NUP188: variants seen among roughly 807,000 people sequenced by gnomAD.
NUP188 encodes the protein nucleoporin NUP188.
NUP188 carries 97 observed loss-of-function variants against 223.0 expected under a neutral mutation model. The observed-to-expected ratio is 0.43, with a 90% confidence interval of 0.37 to 0.51. The LOEUF (loss-of-function observed/expected upper bound fraction) is 0.51. NUP188 is among the 20% of genes least tolerant of loss of function. NUP188 has a pLI of 0.00. For missense variants in NUP188, 1,947 were observed against 2,175.6 expected (o/e 0.89, Z 2.09); for synonymous variants, 869 against 828.0 (o/e 1.05, Z -0.85).
intron 12 of NUP188, among the ~76,000 whole-genome samples, chr9:128,976,906 G>A (rs987703144): frequency 1.3e-5 from 2 of 151,878 alleles, no homozygotes; most frequent in Admixed American, 1.3e-4. Flanking sequence ...ATGAAGCCCT[G>A]TCTCTACCAA....
At chr9:128,981,144 A>G in intron 14 of NUP188, 120 bp from the exon 15 acceptor site, 2 of 1,243,294 alleles carry the variant, frequency 1.6e-6, no homozygotes, top group Non-Finnish European at 2.3e-6. Context: ...GGCAGTTCCA[A>G]GAACAGTCAC....
chr9:128,970,548 T>C (rs567634793), intron 10 of NUP188, among the ~76,000 whole-genome samples: 1 of 152,132 alleles, frequency 6.6e-6, no homozygotes, highest in Non-Finnish European at 1.5e-5. Context: ...CTACATAAAA[T>C]TAGTAGACAA....
chr9:128,982,789 T>G, intron 16 of NUP188, 88 bp downstream of exon 16: 1 of 1,587,340 alleles, frequency 6.3e-7, no homozygotes, highest in East Asian at 2.2e-5. Context: ...TACATAAAAT[T>G]TAGAACCATC....
At chr9:128,995,113 T>C (rs1842499587) in intron 29 of NUP188, 190 bp downstream of exon 29, 3 of 636,814 alleles carry the variant, frequency 4.7e-6, no homozygotes, top group East Asian at 5.4e-5. Flanking sequence ...GAAAGAGTTA[T>C]TGTGAAGCAA....
At chr9:128,963,400 C>G (rs546544579) in intron 8 of NUP188, among the ~76,000 whole-genome samples, 2 of 151,932 alleles carry the variant, frequency 1.3e-5, no homozygotes, top group Admixed American at 6.6e-5. Context: ...ATTGTCCTGC[C>G]TCAGCCTCCT....
In NUP188 at chr9:128,947,730, C is replaced by G. The variant is rs770448715; in HGVS notation, c.11C>G (p.Ala4Gly). The change falls in exon 1 of 44, where the codon GCC becomes GGC. Residue 4 changes from alanine (A) to glycine (G), a missense_variant. Ala to Gly is a moderately conservative substitution (Grantham distance 60). Coordinates refer to ENST00000372577, the MANE Select transcript of NUP188 (RefSeq NM_015354.3). ...AGCGGGCGCGCGAAGATGGCGGCGG[C>G]CGCCGGCGGGCCGTGTGTGAGGTGC... is the stretch of plus-strand genomic sequence containing the variant. MAAAAGGPCVRSSR... is the reference protein window; with the variant it reads MAAGAGGPCVRSSR... 1.4e-5 allele frequency: 20 copies of G among 1,472,588 alleles called. No individual in the cohort carries two copies. Among genetic ancestry groups the G allele is most frequent in the Non-Finnish European group, 1.7e-5 (19 of 1,114,550 alleles). 91.2% of individuals were successfully genotyped at this position (1,472,588 alleles called of 1,614,324 possible). A position where few individuals can be genotyped will look rare whatever the true frequency, so the allele number is the denominator to read the frequency against.
Position 128,958,826 on chromosome 9 carries a change from A to G in NUP188, c.397A>G (p.Arg133Gly). Reference protein sequence around the residue: ...LKIADYYYEERTCILRCVLHL... With the variant: ...LKIADYYYEEGTCILRCVLHL... ...GATTGCAGATTATTATTATGAAGAA[A>G]GAACCTGTATTCTTCGTTGTGTCTT... The change falls in exon 7 of 44, where the codon AGA (arginine) becomes GGA (glycine). Residue 133 changes from arginine to glycine, a missense_variant. Arg to Gly is a moderately radical substitution (Grantham distance 125, BLOSUM62 -2). This residue lies in a region of NUP188 where 817 missense variants were observed against 865.8 expected (regional missense o/e 0.94). Coordinates refer to ENST00000372577, the MANE Select transcript of NUP188 (RefSeq NM_015354.3). 1 of 1,591,020 alleles carries G rather than the reference A, an allele frequency of 6.3e-7. No individual in the cohort carries two copies. The highest frequency in any genetic ancestry group is 2.2e-5 in the East Asian group (1 of 44,646).
At chr9:129,002,723 C>T in intron 36 of NUP188, 94 bp from the exon 37 acceptor site, 1 of 1,360,336 alleles carries the variant, frequency 7.4e-7, no homozygotes, top group Non-Finnish European at 1.0e-6. Flanking sequence ...AGATCTTTTC[C>T]TTTCAGCGCA....
chr9:128,961,484 C>G (rs929411258), intron 8 of NUP188, among the ~76,000 whole-genome samples: 3 of 151,648 alleles, frequency 2.0e-5, no homozygotes, highest in African/African-American at 7.3e-5. Context: ...TGCACTCTGG[C>G]CTGTGCAACA....
At chr9:129,001,236 C>T (rs532254050) in intron 34 of NUP188, among the ~76,000 whole-genome samples, 3 of 141,010 alleles carry the variant, frequency 2.1e-5, no homozygotes, top group African/African-American at 5.1e-5. Context: ...CAACATGAGA[C>T]GAGGTGGCTC....
At chr9:128,982,428 A>G in intron 15 of NUP188, 121 bp from the exon 16 acceptor site, 2 of 325,224 alleles carry the variant, frequency 6.1e-6, no homozygotes, top group Non-Finnish European at 9.9e-6. Context: ...ACTCTGTCTC[A>G]AAAAAAAAAA....
Position 128,995,533 on chromosome 9 carries a change from G to A in NUP188, c.3351+19G>A, listed in dbSNP as rs1267494231. 6.4e-7 allele frequency: 1 copy of A among 1,553,344 alleles called. No homozygotes were observed. Among genetic ancestry groups the A allele is most frequent in the East Asian group, 2.2e-5 (1 of 44,524 alleles). On this transcript the variant is annotated intron_variant, in intron 30 of 43. Transcript: ENST00000372577. ...CACTCATGTAAGACCCTTTTGGGGAGAGTTTTCACTTTGGTACCTTAGCAA... is the reference window on the plus strand; with the variant it reads ...CACTCATGTAAGACCCTTTTGGGGAAAGTTTTCACTTTGGTACCTTAGCAA...
intron 12 of NUP188, among the ~76,000 whole-genome samples, chr9:128,973,931 G>T (rs1842136881): frequency 6.6e-6 from 1 of 151,582 alleles, no homozygotes; most frequent in South Asian, 2.1e-4. Context: ...TTTTTTTTGA[G>T]GCGGAGTCTT....
intron 36 of NUP188, 147 bp downstream of exon 36, chr9:129,002,123 G>A: frequency 1.3e-5 from 9 of 670,782 alleles, no homozygotes; most frequent in East Asian, 2.7e-5. Flanking sequence ...GCCCCCAGGC[G>A]GATCTCTAGC....
chr9:128,961,934 C>A (rs2131146762), intron 8 of NUP188, among the ~76,000 whole-genome samples: 1 of 146,636 alleles, frequency 6.8e-6, no homozygotes, highest in Admixed American at 6.9e-5. Context: ...TAGGACATAC[C>A]ATACTCTTTT....
At chr9:128,956,505 T>C (rs1374315992) in intron 4 of NUP188, 71 bp downstream of exon 4, 3 of 742,582 alleles carry the variant, frequency 4.0e-6, no homozygotes, top group Non-Finnish European at 6.5e-6. Context: ...TTGCTAGTGA[T>C]AGTGAAAATT....
chr9:128,974,773 CTTTT>C (rs766492542), intron 12 of NUP188, among the ~76,000 whole-genome samples: 1 of 141,478 alleles, frequency 7.1e-6, no homozygotes. Flanking sequence ...AACATTGTCT[CTTTT>C]TTTTTTTTTT....
At chr9:128,979,233 G>T (rs1842221308) in intron 12 of NUP188, 29 bp from the exon 13 acceptor site, 2 of 1,538,558 alleles carry the variant, frequency 1.3e-6, no homozygotes, top group South Asian at 1.1e-5. Flanking sequence ...TAGGGAAAAT[G>T]ATCCATTTTT....
intron 2 of NUP188, among the ~76,000 whole-genome samples, chr9:128,950,735 C>G (rs1167231115): frequency 6.6e-6 from 1 of 151,876 alleles, no homozygotes; most frequent in African/African-American, 2.4e-5. Flanking sequence ...GTCCCAGCTA[C>G]TTAGGAGTCC....
Sources: gnomAD v4.1 joint callset for allele counts (sites outside exome capture counted in the v4.1 genomes callset) on GRCh38, gnomAD v4.1.1 for gene constraint, gnomAD v4.1.1 regional missense constraint, MANE v1.5 for transcripts, NCBI Gene and HGNC (gene_info 2026-07-23, HGNC 2026-07-21) for gene names.